The following CD101 variants were observed in gnomAD, a reference collection of about 807,000 sequenced individuals.
The protein encoded by CD101 is CD101 molecule, also known as immunoglobulin superfamily member 2.
A neutral mutation model predicts 98.2 loss-of-function variants in CD101; 76 were observed. The ratio of observed to expected loss-of-function variants is 0.77; its 90% CI spans 0.64 to 0.94. CD101 has a LOEUF of 0.94. CD101 is among the 40% of genes least tolerant of loss of function. CD101 has a pLI of 0.00. For missense variants in CD101, 1,145 were observed against 1,218.8 expected (o/e 0.94, Z 0.90); for synonymous variants, 471 against 472.7 (o/e 1.00, Z 0.05).
chr1:117,034,714 T>C (rs1654698800), intron 9 of CD101, among the ~76,000 whole-genome samples: 1 of 152,206 alleles, frequency 6.6e-6, no homozygotes, highest in Admixed American at 6.5e-5. Flanking sequence ...TTTGACAAAA[T>C]GATAAAACAT....
Position 117,021,744 on chromosome 1 carries a change from T to G in CD101, c.2189T>G (p.Met730Arg), listed in dbSNP as rs756836366. The G allele has an allele frequency of 6.2e-7, 1 of 1,614,124 alleles. No homozygotes were observed. Among genetic ancestry groups the G allele is most frequent in the Non-Finnish European group, 8.5e-7 (1 of 1,180,012 alleles). ...GCCTCTTGGCTAAAGATCCTGGAGA[T>G]GGACCAAACCAATGTTATAAAAACT... ...TNASWLKILE[M>R]DQTNVIKTGD... Residue 730 changes from methionine (M) to arginine (R), a missense_variant, in exon 7 of 10, where the codon ATG becomes AGG. Transcript: ENST00000682167. The surrounding 1 kb of genome is among the most constrained non-coding windows in gnomAD (Gnocchi z 4.7).
Position 117,025,512 on chromosome 1 carries a change from G to T in CD101, c.2432G>T (p.Ser811Ile), listed in dbSNP as rs771884059. 1 of 1,532,380 alleles carries T rather than the reference G, an allele frequency of 6.5e-7. No homozygotes were observed. Among genetic ancestry groups the T allele is most frequent in the Non-Finnish European group, 8.8e-7 (1 of 1,142,300 alleles). The allele number at this position is 1,532,380 out of a possible 1,614,324, so 94.9% of individuals were successfully genotyped here. The change falls in exon 8 of 10, where the codon AGT becomes ATT. Residue 811 changes from serine to isoleucine, a missense_variant. Coordinates refer to ENST00000682167, the MANE Select transcript of CD101 (RefSeq NM_001256106.3). The stretch of plus-strand genomic sequence containing the variant: ...TTACTGCCATTTTATTTTCTAGGAA[G>T]TAAGGTACGTGTCTCCAAAGTGTAC... ...LTELKLKPTG[S>I]KVRVSKVYWT...
At chr1:117,020,332 T>C (rs1231456655) in intron 6 of CD101, among the ~76,000 whole-genome samples, 3 of 152,066 alleles carry the variant, frequency 2.0e-5, no homozygotes, top group Non-Finnish European at 4.4e-5. Flanking sequence ...TCACCTGAAG[T>C]CAGGAGTTTG....
chr1:117,029,196 AAAGAAAGAAAAGAAAGAAAAGAAAGAAAG>A (rs1654200044), intron 8 of CD101, among the ~76,000 whole-genome samples: 1 of 74,984 alleles, frequency 1.3e-5, no homozygotes, highest in Non-Finnish European at 2.6e-5. Context: ...AGAAAGAAAG[AAAGAAAGAAAAGAAAGAAAAGAAAGAAAG>A]AAAGAAAGAA....
At position 117,036,532 on chromosome 1, in the gene CD101, A is replaced by C. The variant is rs1056135467; in HGVS notation, c.*398A>C. The C allele has an allele frequency of 1.3e-5, 2 of 149,970 alleles. No homozygotes were observed. Among genetic ancestry groups the C allele is most frequent in the African/African-American group, 2.5e-5 (1 of 40,084 alleles). 9.3% of individuals were successfully genotyped at this position (149,970 alleles called of 1,614,324 possible). On this transcript the variant is annotated 3_prime_UTR_variant, in exon 10 of 10. Coordinates refer to ENST00000682167, the MANE Select transcript of CD101 (RefSeq NM_001256106.3). The surrounding 1 kb of genome is among the most constrained non-coding windows in gnomAD (Gnocchi z 5.0). The stretch of plus-strand genomic sequence containing the variant: ...TTGTGACAAGTAAAAAAAAAAAAAA[A>C]CTCCTTTTCATCAAAACTCATGTTC...
In CD101 at chr1:117,025,563, G is replaced by A. The variant is rs1653862770; in HGVS notation, c.2483G>A (p.Arg828Lys). Residue 828 changes from arginine (R) to lysine (K), a missense_variant, in exon 8 of 10, where the codon AGA becomes AAA. By Grantham distance (26) the Arg-to-Lys change is conservative. Coordinates refer to ENST00000682167, the MANE Select transcript of CD101 (RefSeq NM_001256106.3). ...VYWTENVTEH[R>K]EVAIRCSLES... ...TGGACCGAAAATGTGACTGAGCACA[G>A]AGAAGTGGCCATCCGCTGCAGCCTG... 5 of 1,610,878 alleles carry A rather than the reference G, an allele frequency of 3.1e-6. No individual in the cohort carries two copies. The East Asian group carries it at 6.7e-5, about 22-fold the overall frequency.
chr1:117,018,846 C>T lies in CD101; in HGVS notation c.2017+286C>T, dbSNP rs1368104291. ...CCCACCACCCAGCAACTAAAGGGTA[C>T]CACGTGGCACAGCAGGGGGCCTCTA... is the stretch of plus-strand genomic sequence containing the variant. On this transcript the variant is annotated intron_variant, in intron 6 of 9. Coordinates refer to ENST00000682167, the MANE Select transcript of CD101 (RefSeq NM_001256106.3). The surrounding 1 kb of genome is among the most constrained non-coding windows in gnomAD (Gnocchi z 4.3). Among the ~76,000 whole-genome samples, 6 of 152,132 alleles carry T rather than the reference C, an allele frequency of 3.9e-5. No individual in the cohort carries two copies. Among genetic ancestry groups the T allele is most frequent in the Non-Finnish European group, 1.5e-5 (1 of 68,030 alleles).
rs1324542641 is a variant in CD101 at position 117,017,579 on chromosome 1, AC to A, written c.1612+109del. The A allele has an allele frequency of 7.4e-5, 81 of 1,089,986 alleles. No homozygotes were observed. The South Asian group carries it at 8.2e-4, about 11-fold the overall frequency. 67.5% of individuals were successfully genotyped at this position (1,089,986 alleles called of 1,614,324 possible). On this transcript the variant is annotated intron_variant, in intron 5 of 9. Transcript: ENST00000682167. ...TGAATCCCCCAGTGATGGTATGTGTACCCTAGGACACAGAGCTAGTCTCTGG... is the reference window on the plus strand; with the variant it reads ...TGAATCCCCCAGTGATGGTATGTGTACCTAGGACACAGAGCTAGTCTCTGG...
Position 117,013,652 on chromosome 1 carries a change from A to G in CD101, c.1088A>G (p.Lys363Arg). 1 of 1,614,166 alleles carries G rather than the reference A, an allele frequency of 6.2e-7. No homozygotes were observed. Among genetic ancestry groups the G allele is most frequent in the Non-Finnish European group, 8.5e-7 (1 of 1,180,032 alleles). Residue 363 changes from lysine to arginine, a missense_variant, in exon 4 of 10, where the codon AAG becomes AGG. Transcript: ENST00000682167. ...TTAGGCCCCAAGGCTTTCTCTCTCA[A>G]GATCTTCTCTCTGGGCCCAGAGGAT... ...SKLGPKAFSL[K>R]IFSLGPEDEG...
At chr1:117,015,307 T>C (rs1013197608) in intron 4 of CD101, among the ~76,000 whole-genome samples, 3 of 152,152 alleles carry the variant, frequency 2.0e-5, no homozygotes, top group Non-Finnish European at 2.9e-5. Flanking sequence ...GTTTATTACT[T>C]CTTACCAAAA....
rs1188266927 is a variant in CD101, at chr1:117,019,090, G to A, written c.2017+530G>A. On this transcript the variant is annotated intron_variant, in intron 6 of 9. Transcript: ENST00000682167. This position sits in a 1 kb window ranked among gnomAD's most constrained non-coding sequence, Gnocchi z 4.3. ...TCTCATCAACTGATAATAGAGCATA[G>A]GAGTTAAAAGTGAGATACTACCTAG... Among the ~76,000 whole-genome samples, 1 of 152,196 alleles carries A rather than the reference G, an allele frequency of 6.6e-6. No homozygotes were observed. The highest frequency in any genetic ancestry group is 6.5e-5 in the Admixed American group (1 of 15,278).
intron 4 of CD101, among the ~76,000 whole-genome samples, chr1:117,016,523 A>G (rs1292044229): frequency 3.9e-5 from 6 of 152,186 alleles, no homozygotes; most frequent in African/African-American, 7.2e-5. Context: ...CTTAAGGAAG[A>G]GTTGATTTAA....
chr1:117,017,385 A>T lies in CD101; in HGVS notation c.1524A>T (p.Thr508=). ...TCACTGCCATCACAGACAGTGGCAC[A>T]TATGAGTGCAGAGTATCTGAGAAGT... ...ITFTAITDSG[T]YECRVSEKSR... Residue 508 remains threonine, a synonymous_variant, in exon 5 of 10, where the codon ACA becomes ACT. Transcript: ENST00000682167. 1 of 1,614,242 alleles carries T rather than the reference A, an allele frequency of 6.2e-7. No individual in the cohort carries two copies. Among genetic ancestry groups the T allele is most frequent in the Non-Finnish European group, 8.5e-7 (1 of 1,180,016 alleles).
chr1:117,033,816 T>C lies in CD101; in HGVS notation c.2825-44T>C. On this transcript the variant is annotated intron_variant, in intron 8 of 9. Coordinates refer to ENST00000682167, the MANE Select transcript of CD101 (RefSeq NM_001256106.3). The surrounding 1 kb of genome is among the most constrained non-coding windows in gnomAD (Gnocchi z 4.8). ...AGTGTTTGTAATTGACTAGTACAAA[T>C]AAGTTGGAGATGAATTACTCTCTTG... The C allele has an allele frequency of 6.2e-7, 1 of 1,611,770 alleles. No homozygotes were observed. The highest frequency in any genetic ancestry group is 8.5e-7 in the Non-Finnish European group (1 of 1,178,550).
Position 117,013,707 on chromosome 1 carries a change from G to C in CD101, c.1143G>C (p.Glu381Asp), listed in dbSNP as rs372571058. ...DEGAYRCVVAEVMKTRTGSWQ... is the reference protein window; with the variant it reads ...DEGAYRCVVADVMKTRTGSWQ... Reference sequence around the variant, plus strand: ...GCGCCTACAGATGTGTGGTAGCAGAGGTCATGAAAACACGCACAGGTTCCT... The same window carrying C: ...GCGCCTACAGATGTGTGGTAGCAGACGTCATGAAAACACGCACAGGTTCCT... The change falls in exon 4 of 10, where the codon GAG becomes GAC. Residue 381 changes from glutamate (E) to aspartate (D), a missense_variant. Physicochemically the swap from Glu to Asp is conservative, Grantham distance 45. Transcript: ENST00000682167. The C allele has an allele frequency of 7.4e-6, 12 of 1,613,958 alleles. No homozygotes were observed. The highest frequency in any genetic ancestry group is 1.7e-4 in the Middle Eastern group (1 of 6,038).
chr1:117,012,635 G>A lies in CD101; in HGVS notation c.841+669G>A, dbSNP rs932482841. Among the ~76,000 whole-genome samples, 7 of 152,140 alleles carry A rather than the reference G, an allele frequency of 4.6e-5. No individual in the cohort carries two copies. The highest frequency in any genetic ancestry group is 9.6e-5 in the African/African-American group (4 of 41,504). Reference sequence around the variant, plus strand: ...GTTCCCCAGGCTGGCCTTGAACTCCGGGGCTCAAGCAATCCTCCTGCCTTG... The same window carrying A: ...GTTCCCCAGGCTGGCCTTGAACTCCAGGGCTCAAGCAATCCTCCTGCCTTG... On this transcript the variant is annotated intron_variant, in intron 3 of 9. Coordinates refer to ENST00000682167, the MANE Select transcript of CD101 (RefSeq NM_001256106.3). The surrounding 1 kb of genome is among the most constrained non-coding windows in gnomAD (Gnocchi z 4.0).
In CD101 at chr1:117,010,291, A is replaced by G; in HGVS notation, c.424+61A>G. 4.0e-6 allele frequency: 6 copies of G among 1,507,438 alleles called. No homozygotes were observed. Among genetic ancestry groups the G allele is most frequent in the Non-Finnish European group, 5.4e-6 (6 of 1,111,590 alleles). The allele number at this position is 1,507,438 out of a possible 1,614,324, so 93.4% of individuals were successfully genotyped here. ...GAGAAGCCAGAGTCTCCACCATGACAATATCTTGCAATATGACATGGCTTT... is the reference window on the plus strand; with the variant it reads ...GAGAAGCCAGAGTCTCCACCATGACGATATCTTGCAATATGACATGGCTTT... On this transcript the variant is annotated intron_variant, in intron 2 of 9. Coordinates refer to ENST00000682167, the MANE Select transcript of CD101 (RefSeq NM_001256106.3). The surrounding 1 kb of genome is among the most constrained non-coding windows in gnomAD (Gnocchi z 5.2).
In CD101 at chr1:117,013,734, G is replaced by A. The variant is rs769696832; in HGVS notation, c.1170G>A (p.Trp390Ter). 19 of 1,613,890 alleles carry A rather than the reference G, an allele frequency of 1.2e-5. No individual in the cohort carries two copies. The highest frequency in any genetic ancestry group is 1.5e-5 in the Non-Finnish European group (18 of 1,180,000). The change falls in exon 4 of 10, where the codon TGG (tryptophan) becomes TGA (stop). Residue 390 changes from tryptophan to a stop codon, truncating the protein, a stop_gained. Coordinates refer to ENST00000682167, the MANE Select transcript of CD101 (RefSeq NM_001256106.3). LOFTEE classifies it high-confidence loss of function. ...TCATGAAAACACGCACAGGTTCCTGGCAGGTGCTTCAGAGAAAGCAGTCAC... is the reference window on the plus strand; with the variant it reads ...TCATGAAAACACGCACAGGTTCCTGACAGGTGCTTCAGAGAAAGCAGTCAC... ...AEVMKTRTGS[W>*]QVLQRKQSPD... is the part of the protein sequence containing the mutation.
rs957164721 is a variant in CD101 at position 117,018,856 on chromosome 1, C to T, written c.2017+296C>T. ...AGCAACTAAAGGGTACCACGTGGCACAGCAGGGGGCCTCTAGGACCTGGCT... is the reference window on the plus strand; with the variant it reads ...AGCAACTAAAGGGTACCACGTGGCATAGCAGGGGGCCTCTAGGACCTGGCT... On this transcript the variant is annotated intron_variant, in intron 6 of 9. Transcript: ENST00000682167. The surrounding 1 kb of genome is among the most constrained non-coding windows in gnomAD (Gnocchi z 4.3). Among the ~76,000 whole-genome samples the T allele has an allele frequency of 6.6e-6, 1 of 152,144 alleles. No homozygotes were observed. The highest frequency in any genetic ancestry group is 2.4e-5 in the African/African-American group (1 of 41,442).
Sources: gnomAD v4.1 joint callset for allele counts (sites outside exome capture counted in the v4.1 genomes callset) on GRCh38, gnomAD v4.1.1 for gene constraint, Gnocchi (gnomAD v3.1) non-coding constraint, MANE v1.5 for transcripts, NCBI Gene and HGNC (gene_info 2026-07-23, HGNC 2026-07-21) for gene names.